GALNT16: variants seen among roughly 807,000 people sequenced by gnomAD.
GALNT16 encodes UDP-GalNAc:polypeptide N-acetylgalactosaminyltransferase-like protein 1.
GALNT16 carries 40 observed loss-of-function variants against 76.1 expected under a neutral mutation model. The ratio of observed to expected loss-of-function variants is 0.53; its 90% confidence interval spans 0.41 to 0.68. GALNT16 has a LOEUF of 0.68. Among genes scored for constraint, GALNT16 ranks in the 30% least tolerant of loss-of-function variants. The probability of loss-of-function intolerance (pLI) is 0.00; values close to 1 mark genes in which losing one functional copy is unlikely to be tolerated. For synonymous variants in GALNT16, 276 were observed against 285.2 expected (o/e 0.97, Z 0.32); for missense variants, 621 against 731.9 (o/e 0.85, Z 1.75).
chr14:69,260,136 A>AAACC, upstream of GALNT16: 2 of 113,994 alleles, frequency 1.8e-5, no homozygotes, highest in Non-Finnish European at 3.5e-5. Context: ...TCTCCCTATC[A>AAACC]CCCCCCCGCC....
At chr14:69,336,688 T>C (rs1044995013) in intron 9 of GALNT16, among the ~76,000 whole-genome samples, 3 of 151,670 alleles carry the variant, frequency 2.0e-5, no homozygotes, top group Non-Finnish European at 4.4e-5. Context: ...TCTGATATGC[T>C]GTATTTATTT....
rs1041162792 is a variant in GALNT16, at chr14:69,324,948, C to A, written c.434+158C>A. Among the ~76,000 whole-genome samples the A allele has an allele frequency of 1.6e-4, 24 of 152,218 alleles. 1 individual carries two copies. Among genetic ancestry groups the A allele is most frequent in the Admixed American group, 7.2e-4 (11 of 15,292 alleles). On this transcript the variant is annotated intron_variant, in intron 3 of 14. Coordinates refer to ENST00000448469, the MANE Select transcript of GALNT16 (RefSeq NM_001168368.2). ...CTGGTGAATCAGGGCCAGGAAGACC[C>A]CAGAAGTCAAACTGTTAGAGGAATG...
chr14:69,290,960 CG>C (rs1202026950), intron 1 of GALNT16, among the ~76,000 whole-genome samples: 2 of 152,120 alleles, frequency 1.3e-5, no homozygotes. Flanking sequence ...GGCAGCCCGC[CG>C]GCCAGGAGAC....
intron 1 of GALNT16, among the ~76,000 whole-genome samples, chr14:69,278,289 G>T (rs576343172): frequency 6.6e-6 from 1 of 152,210 alleles, no homozygotes; most frequent in South Asian, 2.1e-4. Context: ...GATTACAGGC[G>T]TGAGCCACCA....
chr14:69,372,656 TG>T, the GALNT16 span, among the ~76,000 whole-genome samples: 8 of 151,998 alleles, frequency 5.3e-5, no homozygotes, highest in African/African-American at 1.9e-4. Context: ...CCACCATGCC[TG>T]GGATCTTCAG....
chr14:69,343,946 T>C (rs1482717013), intron 12 of GALNT16, among the ~76,000 whole-genome samples: 1 of 152,228 alleles, frequency 6.6e-6, no homozygotes, highest in African/African-American at 2.4e-5. Flanking sequence ...GTTAAAATAA[T>C]TTTTTGTTGC....
At chr14:69,369,378 G>C in the GALNT16 span, among the ~76,000 whole-genome samples, 113 of 152,304 alleles carry the variant, frequency 7.4e-4, 1 homozygote, top group African/African-American at 2.6e-3. Flanking sequence ...AAGACTTGCT[G>C]ACCAACTGGA....
At chr14:69,300,567 A>T (rs896983592) in intron 1 of GALNT16, among the ~76,000 whole-genome samples, 1 of 152,144 alleles carries the variant, frequency 6.6e-6, no homozygotes, top group African/African-American at 2.4e-5. Flanking sequence ...TTAAATATTG[A>T]TTTGAGTCAT....
intron 1 of GALNT16, among the ~76,000 whole-genome samples, chr14:69,311,544 T>G (rs533224717): frequency 5.3e-5 from 8 of 152,316 alleles, no homozygotes; most frequent in Admixed American, 2.6e-4. Context: ...ACATTTAATC[T>G]GATTCAAAAA....
At chr14:69,364,076 A>G in the GALNT16 span, among the ~76,000 whole-genome samples, 1 of 152,334 alleles carries the variant, frequency 6.6e-6, no homozygotes, top group South Asian at 2.1e-4. The surrounding 1 kb of genome is among the most constrained non-coding windows in gnomAD (Gnocchi z 4.2). Context: ...AGACTTGTCT[A>G]TTGCACCTAG....
chr14:69,380,417 A>G, the GALNT16 span: 19 of 552,174 alleles, frequency 3.4e-5, no homozygotes, highest in South Asian at 9.3e-5. Flanking sequence ...AATACAGTCA[A>G]TCTTGGCTAG....
chr14:69,328,444 T>C lies in GALNT16; in HGVS notation c.569-6T>C, dbSNP rs1271959718. ...CAGCGCCAAGCCCTATCTACTCCTC[T>C]TGTAGGGCTGATCCGGTCCCGAGTG... On this transcript the variant is annotated splice_polypyrimidine_tract_variant and splice_region_variant and intron_variant, in intron 5 of 14. Transcript: ENST00000448469. 2.5e-6 allele frequency: 4 copies of C among 1,613,568 alleles called. No homozygotes were observed. The African/African-American group carries it at 4.0e-5, about 16-fold the overall frequency.
the GALNT16 span, among the ~76,000 whole-genome samples, chr14:69,379,910 T>G: frequency 6.6e-6 from 1 of 152,204 alleles, no homozygotes; most frequent in Non-Finnish European, 1.5e-5. Flanking sequence ...CAATAGTAGG[T>G]ACAAACCTTG....
intron 10 of GALNT16, among the ~76,000 whole-genome samples, 197 bp from the exon 11 acceptor site, chr14:69,339,330 C>T (rs2045454675): frequency 6.6e-6 from 1 of 152,226 alleles, no homozygotes; most frequent in South Asian, 2.1e-4. Flanking sequence ...CTGCCCAAGT[C>T]TAGCTGCATA....
intron 1 of GALNT16, among the ~76,000 whole-genome samples, chr14:69,263,397 G>A (rs1038006457): frequency 3.3e-5 from 5 of 152,218 alleles, no homozygotes; most frequent in Admixed American, 6.5e-5. Context: ...CTTTCTCCCT[G>A]CAATTTGTGG....
rs369081338 is a variant in GALNT16 at position 69,352,180 on chromosome 14, G to A, written c.*12G>A. On this transcript the variant is annotated 3_prime_UTR_variant, in exon 15 of 15. Coordinates refer to ENST00000448469, the MANE Select transcript of GALNT16 (RefSeq NM_001168368.2). ...TGCCACACACATGACGGTAGCCCTG[G>A]GGCCTCCTGTACCTTTTGCATGAGA... 4 of 1,600,306 alleles carry A rather than the reference G, an allele frequency of 2.5e-6. No homozygotes were observed. Among genetic ancestry groups the A allele is most frequent in the South Asian group, 2.2e-5 (2 of 89,392 alleles).
At chr14:69,291,103 C>T (rs1254124853) in intron 1 of GALNT16, among the ~76,000 whole-genome samples, 1 of 152,182 alleles carries the variant, frequency 6.6e-6, no homozygotes, top group Non-Finnish European at 1.5e-5. Flanking sequence ...CCAGCCTGGG[C>T]AACATAGTAA....
At chr14:69,361,067 G>C (rs935554335), downstream of GALNT16, among the ~76,000 whole-genome samples, 1 of 152,178 alleles carries the variant, frequency 6.6e-6, no homozygotes, top group Non-Finnish European at 1.5e-5. Flanking sequence ...TGATTTATGA[G>C]TTTCTTCCCC....
At chr14:69,264,410 G>A (rs2044313706) in intron 1 of GALNT16, among the ~76,000 whole-genome samples, 1 of 152,142 alleles carries the variant, frequency 6.6e-6, no homozygotes, top group African/African-American at 2.4e-5. Context: ...GCTTTAAGGG[G>A]GAGTTCTCCT....
Sources: gnomAD v4.1 joint callset for allele counts (sites outside exome capture counted in the v4.1 genomes callset) on GRCh38, gnomAD v4.1.1 for gene constraint, Gnocchi (gnomAD v3.1) non-coding constraint, MANE v1.5 for transcripts, NCBI Gene and HGNC (gene_info 2026-07-23, HGNC 2026-07-21) for gene names.